The following PPP2R2C variants were observed in gnomAD, a reference collection of about 807,000 sequenced individuals.
PPP2R2C encodes protein phosphatase 2, regulatory subunit B, gamma.
Under a neutral mutation model 45.3 loss-of-function variants are expected in PPP2R2C, and 10 were observed. That is an observed-to-expected ratio of 0.22 (90% CI 0.14 to 0.37). The LOEUF (loss-of-function observed/expected upper bound fraction) is 0.37. PPP2R2C is among the 10% of genes least tolerant of loss of function. PPP2R2C has a pLI of 1.00. For synonymous variants in PPP2R2C, 257 were observed against 245.4 expected, an observed-to-expected ratio of 1.05 and a Z score of -0.44; for missense variants, 308 against 619.7, an observed-to-expected ratio of 0.50 and a Z score of 5.34.
chr4:6,363,648 T>A (rs372423258), intron 5 of PPP2R2C, among the ~76,000 whole-genome samples: 4 of 151,982 alleles, frequency 2.6e-5, no homozygotes, highest in African/African-American at 9.7e-5. Context: ...CAAAGAGATG[T>A]CCATGAACAT....
Position 6,556,573 on chromosome 4 carries a change from A to G in PPP2R2C, c.-59+6987T>C, listed in dbSNP as rs572996459. Reference sequence around the variant, plus strand: ...TTCTCTGAAGAACCCTGACTACTACAGGGCACAAATACCTCATGCTCTGCA... The same window carrying G: ...TTCTCTGAAGAACCCTGACTACTACGGGGCACAAATACCTCATGCTCTGCA... On this transcript the variant is annotated intron_variant, in intron 1 of 9. Transcript: ENST00000506140. Among the ~76,000 whole-genome samples, 4 of 152,252 alleles carry G rather than the reference A, an allele frequency of 2.6e-5. No individual in the cohort carries two copies. In the East Asian group the frequency reaches 7.7e-4, roughly 29 times the overall value.
At chr4:6,323,650 A>C in intron 8 of PPP2R2C, 57 bp from the exon 9 acceptor site, 4 of 1,446,392 alleles carry the variant, frequency 2.8e-6, no homozygotes, top group Non-Finnish European at 3.7e-6. Context: ...TTCTCGAGAA[A>C]TAAGCCCAGG....
intron 1 of PPP2R2C, among the ~76,000 whole-genome samples, chr4:6,546,423 T>C (rs564022311): frequency 2.2e-4 from 34 of 152,194 alleles, no homozygotes; most frequent in Non-Finnish European, 4.1e-4. Context: ...CAGCATCTCA[T>C]TAATCCTCAC....
At chr4:6,410,861 A>C (rs1220506304) in intron 1 of PPP2R2C, among the ~76,000 whole-genome samples, 1 of 146,710 alleles carries the variant, frequency 6.8e-6, no homozygotes, top group African/African-American at 2.6e-5. Flanking sequence ...TTATTTATTT[A>C]TTTATTTATT....
At chr4:6,514,055 C>G (rs887748364) in intron 2 of PPP2R2C, among the ~76,000 whole-genome samples, 2 of 152,138 alleles carry the variant, frequency 1.3e-5, no homozygotes, top group Non-Finnish European at 2.9e-5. Context: ...AAAAGCAGAA[C>G]CATGTTCATG....
At chr4:6,407,982 A>G (rs917384251) in intron 1 of PPP2R2C, among the ~76,000 whole-genome samples, 1 of 152,208 alleles carries the variant, frequency 6.6e-6, no homozygotes, top group African/African-American at 2.4e-5. Flanking sequence ...AAATGTCTCA[A>G]TTACTTTAGA....
intron 2 of PPP2R2C, among the ~76,000 whole-genome samples, chr4:6,494,363 C>T (rs1417939781): frequency 1.3e-5 from 2 of 152,196 alleles, no homozygotes; most frequent in Admixed American, 6.5e-5. Context: ...CCCTCACTCT[C>T]CCCACATTGG....
At chr4:6,427,235 G>A (rs1719379758) in intron 1 of PPP2R2C, among the ~76,000 whole-genome samples, 1 of 152,240 alleles carries the variant, frequency 6.6e-6, no homozygotes, top group Non-Finnish European at 1.5e-5. Context: ...GCTACTCTGT[G>A]TTTGTTGGAT....
intron 1 of PPP2R2C, among the ~76,000 whole-genome samples, chr4:6,428,437 C>G (rs1042384285): frequency 6.6e-6 from 1 of 152,212 alleles, no homozygotes; most frequent in African/African-American, 2.4e-5. Context: ...GGTCCACCAG[C>G]CTTTAGGCCT....
intron 6 of PPP2R2C, among the ~76,000 whole-genome samples, chr4:6,334,092 G>C (rs1231257578): frequency 6.6e-6 from 1 of 152,162 alleles, no homozygotes; most frequent in East Asian, 1.9e-4. Context: ...AGATTGCAAA[G>C]GTGTCCTGAC....
intron 2 of PPP2R2C, among the ~76,000 whole-genome samples, chr4:6,485,201 T>C (rs549962380): frequency 9.2e-4 from 140 of 152,092 alleles, no homozygotes; most frequent in African/African-American, 3.2e-3. Flanking sequence ...ATATGGTAAA[T>C]TACATTGATA....
rs568706229 is a variant in PPP2R2C at position 6,554,404 on chromosome 4, C to T, written c.-59+9156G>A. Reference sequence around the variant, plus strand: ...TCTAATTCCTCCATAGAAACTGACCCAGCTATCGTCTTCGTCCCAGACTGC... The same window carrying T: ...TCTAATTCCTCCATAGAAACTGACCTAGCTATCGTCTTCGTCCCAGACTGC... On this transcript the variant is annotated intron_variant, in intron 1 of 9. Coordinates refer to the PPP2R2C transcript ENST00000506140. Among the ~76,000 whole-genome samples the T allele has an allele frequency of 1.3e-5, 2 of 152,324 alleles. 1 individual carries two copies. The highest frequency in any genetic ancestry group is 2.9e-5 in the Non-Finnish European group (2 of 68,030).
chr4:6,441,728 T>G lies in PPP2R2C; in HGVS notation c.70+30432A>C, dbSNP rs575455957. ...CCTTAAAGGTGAACTTGATAAGGAA[T>G]AGAGGGGTGGTGCTGTAGAAAGGAG... is the stretch of plus-strand genomic sequence containing the variant. On this transcript the variant is annotated intron_variant, in intron 1 of 8. Transcript: ENST00000382599. Among the ~76,000 whole-genome samples, 11 of 152,170 alleles carry G rather than the reference T, an allele frequency of 7.2e-5. No homozygotes were observed. The South Asian group carries it at 2.3e-3, about 32-fold the overall frequency.
At chr4:6,502,203 C>T (rs1280747611) in intron 2 of PPP2R2C, among the ~76,000 whole-genome samples, 3 of 152,186 alleles carry the variant, frequency 2.0e-5, no homozygotes, top group Non-Finnish European at 4.4e-5. Context: ...ATGAGTCCCA[C>T]CTTCGGGAGC....
intron 1 of PPP2R2C, among the ~76,000 whole-genome samples, chr4:6,457,503 C>G (rs796529411): frequency 1.4e-4 from 22 of 152,100 alleles, no homozygotes; most frequent in African/African-American, 4.8e-4. Context: ...TCCTGAGTAG[C>G]TGGGACTGCA....
intron 2 of PPP2R2C, among the ~76,000 whole-genome samples, chr4:6,508,369 G>A (rs1397522437): frequency 1.3e-5 from 2 of 152,126 alleles, no homozygotes; most frequent in African/African-American, 2.4e-5. Context: ...GGCGAATCAC[G>A]AGGTCAGGAG....
At chr4:6,402,955 C>T (rs1427147132) in intron 1 of PPP2R2C, among the ~76,000 whole-genome samples, 3 of 152,226 alleles carry the variant, frequency 2.0e-5, no homozygotes, top group Admixed American at 1.3e-4. Context: ...CCAAGAAAGA[C>T]CAATGCAGCA....
In PPP2R2C at chr4:6,550,498, C is replaced by T. The variant is rs184152754; in HGVS notation, c.-59+13062G>A. 2.4e-3 allele frequency among the ~76,000 whole-genome samples: 359 copies of T among 152,334 alleles called. 1 individual carries two copies. Among genetic ancestry groups the T allele is most frequent in the Non-Finnish European group, 4.0e-3 (272 of 68,036 alleles). On this transcript the variant is annotated intron_variant, in intron 1 of 9. Transcript: ENST00000506140. ...CCGAAACACGTGCTGTTTCCTCTGCCGGGAATGCTTTCCCCTCATTCTTCT... is the reference window on the plus strand; with the variant it reads ...CCGAAACACGTGCTGTTTCCTCTGCTGGGAATGCTTTCCCCTCATTCTTCT...
rs140955498 is a variant in PPP2R2C, at chr4:6,379,298, C to T, written c.169-726G>A. On this transcript the variant is annotated intron_variant, in intron 2 of 8. Coordinates refer to ENST00000382599, the MANE Select transcript of PPP2R2C (RefSeq NM_020416.4). ...AGTCAGGTGGTGAGTCCACTGTGTG[C>T]GCCAGGGACCACGTTCCCAGGAGAG... Among the ~76,000 whole-genome samples, 11 of 152,210 alleles carry T rather than the reference C, an allele frequency of 7.2e-5. 1 individual carries two copies. The highest frequency in any genetic ancestry group is 2.6e-4 in the African/African-American group (11 of 41,532).
Sources: gnomAD v4.1 joint callset for allele counts (sites outside exome capture counted in the v4.1 genomes callset) on GRCh38, gnomAD v4.1.1 for gene constraint, MANE v1.5 for transcripts, NCBI Gene and HGNC (gene_info 2026-07-23, HGNC 2026-07-21) for gene names.